The following FGF14 variants were observed in gnomAD, a reference collection of about 807,000 sequenced individuals.
FGF14 encodes fibroblast growth factor homologous factor 4.
A neutral mutation model predicts 25.5 loss-of-function variants in FGF14; 5 were observed. That is an observed-to-expected ratio of 0.20 (90% confidence interval 0.10 to 0.41). The LOEUF is 0.41. Ranked by LOEUF, FGF14 falls within the 10% of genes least tolerant of loss-of-function variation. The pLI, the probability that FGF14 is intolerant of heterozygous loss-of-function variation, is 1.00. For synonymous variants in FGF14, 138 were observed against 118.3 expected (o/e 1.17, Z -1.08); for missense variants, 222 against 320.1 (o/e 0.69, Z 2.34).
chr13:101,890,791 A>T (rs2046227352), intron 1 of FGF14, among the ~76,000 whole-genome samples: 3 of 152,174 alleles, frequency 2.0e-5, no homozygotes, highest in African/African-American at 7.2e-5. Flanking sequence ...TTGCTCAGAC[A>T]TCTGCAGCAC....
Position 102,113,228 on chromosome 13 carries a change from T to C in FGF14, c.209-237932A>G, listed in dbSNP as rs113202787. 2.8e-3 allele frequency among the ~76,000 whole-genome samples: 432 copies of C among 152,330 alleles called. 1 individual carries two copies. Among genetic ancestry groups the C allele is most frequent in the Middle Eastern group, 0.027 (8 of 294 alleles). On this transcript the variant is annotated intron_variant, in intron 1 of 4. Coordinates refer to the FGF14 transcript ENST00000376131. ...ATTTGCTGGTATAACAGTTAAAAGA[T>C]CAGAATCAGTTTGCAAGAGGAACCA...
At chr13:101,990,714 G>T (rs55900115) in intron 1 of FGF14, among the ~76,000 whole-genome samples, 3,552 of 152,142 alleles carry the variant, frequency 0.023, 47 homozygotes, top group Middle Eastern at 0.054. Context: ...TAGACAACTT[G>T]CTCTGTAGAA....
intron 1 of FGF14, among the ~76,000 whole-genome samples, chr13:101,967,043 T>G (rs902469496): frequency 1.3e-5 from 2 of 152,238 alleles, no homozygotes; most frequent in African/African-American, 4.8e-5. Flanking sequence ...GACATAATGC[T>G]ATTTTGTTCA....
intron 1 of FGF14, among the ~76,000 whole-genome samples, chr13:102,227,494 CT>C (rs1215754719): frequency 1.3e-5 from 2 of 152,024 alleles, no homozygotes; most frequent in Admixed American, 6.6e-5. Context: ...TTTTTGTCCC[CT>C]ATGCATCCCC....
chr13:102,042,832 C>T (rs2041806094), intron 1 of FGF14, among the ~76,000 whole-genome samples: 1 of 152,178 alleles, frequency 6.6e-6, no homozygotes, highest in African/African-American at 2.4e-5. Flanking sequence ...GGCTGTTTCA[C>T]TCTCAAAACT....
chr13:102,182,326 C>A (rs2048709395), intron 1 of FGF14, among the ~76,000 whole-genome samples: 1 of 152,112 alleles, frequency 6.6e-6, no homozygotes. Flanking sequence ...CAGACTCTAC[C>A]TCAGAGCCTC....
chr13:102,119,065 G>A (rs2045600379), intron 1 of FGF14, among the ~76,000 whole-genome samples: 1 of 152,076 alleles, frequency 6.6e-6, no homozygotes. Context: ...ATAACAGGGG[G>A]ATCTGTCTAA....
intron 1 of FGF14, among the ~76,000 whole-genome samples, chr13:102,304,069 T>C (rs1464701275): frequency 6.6e-6 from 1 of 152,130 alleles, no homozygotes; most frequent in Non-Finnish European, 1.5e-5. Flanking sequence ...AAAATCAGTT[T>C]GCCAAGTCAC....
chr13:101,974,817 C>A (rs1320960197), intron 1 of FGF14, among the ~76,000 whole-genome samples: 1 of 152,086 alleles, frequency 6.6e-6, no homozygotes, highest in East Asian at 1.9e-4. Context: ...ACATAATGTA[C>A]CACACAGATA....
chr13:102,265,116 C>T (rs570359713), intron 1 of FGF14, among the ~76,000 whole-genome samples: 2 of 152,130 alleles, frequency 1.3e-5, no homozygotes, highest in Non-Finnish European at 2.9e-5. Context: ...TGCCTTTTCT[C>T]TCTCTTTAAC....
rs368490299 is a variant in FGF14 at position 101,752,657 on chromosome 13, C to T, written c.409-25847G>A. Among the ~76,000 whole-genome samples the T allele has an allele frequency of 5.3e-5, 8 of 152,252 alleles. No homozygotes were observed. The East Asian group carries it at 1.5e-3, about 29-fold the overall frequency. On this transcript the variant is annotated intron_variant, in intron 3 of 4. Coordinates refer to ENST00000376143, the MANE Select transcript of FGF14 (RefSeq NM_004115.4). Reference sequence around the variant, plus strand: ...CCTTTCATACAGAAAGTCTCTAAACCTTGGTGCTTCTAGTGTTAGATCAGT... The same window carrying T: ...CCTTTCATACAGAAAGTCTCTAAACTTTGGTGCTTCTAGTGTTAGATCAGT...
chr13:101,942,257 C>T (rs116698827), intron 1 of FGF14, among the ~76,000 whole-genome samples: 281 of 152,246 alleles, frequency 1.8e-3, no homozygotes, highest in African/African-American at 6.5e-3. Context: ...TAGTTATCAC[C>T]ATCGAGTAAC....
At chr13:101,880,020 G>A (rs1450862482) in intron 1 of FGF14, among the ~76,000 whole-genome samples, 2 of 152,106 alleles carry the variant, frequency 1.3e-5, no homozygotes, top group Non-Finnish European at 2.9e-5. Flanking sequence ...GGGAAAATTT[G>A]CTATCTTTGT....
intron 1 of FGF14, among the ~76,000 whole-genome samples, chr13:102,127,203 A>G (rs1260212119): frequency 6.6e-6 from 1 of 152,102 alleles, no homozygotes; most frequent in Non-Finnish European, 1.5e-5. Context: ...TCATAAGTAA[A>G]AAGAGAGAAA....
intron 1 of FGF14, among the ~76,000 whole-genome samples, chr13:102,080,265 A>C (rs2043556593): frequency 6.6e-6 from 1 of 152,102 alleles, no homozygotes; most frequent in African/African-American, 2.4e-5. Context: ...CTTGGGCTGG[A>C]GTTATGCAGT....
intron 1 of FGF14, among the ~76,000 whole-genome samples, chr13:101,981,463 G>A (rs1193054992): frequency 6.6e-6 from 1 of 152,146 alleles, no homozygotes; most frequent in Non-Finnish European, 1.5e-5. Flanking sequence ...TTGTTTGCAA[G>A]CTGCCCAGTC....
At chr13:101,936,714 C>G (rs1005728305) in intron 1 of FGF14, among the ~76,000 whole-genome samples, 1 of 152,178 alleles carries the variant, frequency 6.6e-6, no homozygotes, top group African/African-American at 2.4e-5. Context: ...GCAATGAATG[C>G]TATTTGTTCA....
chr13:102,269,367 T>G (rs991757871), intron 1 of FGF14, among the ~76,000 whole-genome samples: 2 of 152,168 alleles, frequency 1.3e-5, no homozygotes, highest in Non-Finnish European at 2.9e-5. Flanking sequence ...AGCATAATTC[T>G]GCTTTTAATT....
At chr13:101,916,426 C>T in intron 1 of FGF14, 27 bp downstream of exon 1, 3 of 1,613,406 alleles carry the variant, frequency 1.9e-6, no homozygotes, top group Non-Finnish European at 2.5e-6. Context: ...ACCCGGGGCG[C>T]ATCTCCCGAC....
Sources: gnomAD v4.1 joint callset for allele counts (sites outside exome capture counted in the v4.1 genomes callset) on GRCh38, gnomAD v4.1.1 for gene constraint, MANE v1.5 for transcripts, NCBI Gene and HGNC (gene_info 2026-07-23, HGNC 2026-07-21) for gene names.